Variants in SRC observed in about 807,000 individuals in gnomAD.
SRC encodes proto-oncogene tyrosine-protein kinase Src.
In SRC, 13 loss-of-function variants were observed where a neutral mutation model predicts 62.9. That is an observed-to-expected ratio of 0.21 (90% confidence interval 0.13 to 0.33). SRC has a LOEUF of 0.33. Among genes scored for constraint, SRC ranks in the 10% least tolerant of loss-of-function variants. SRC has a pLI of 1.00. For synonymous variants in SRC, 302 were observed against 317.5 expected, an observed-to-expected ratio of 0.95 and a Z score of 0.52; for missense variants, 457 against 737.3, an observed-to-expected ratio of 0.62 and a Z score of 4.40.
At chr20:37,364,574 C>T (rs955084020) in intron 1 of SRC, among the ~76,000 whole-genome samples, 1 of 152,140 alleles carries the variant, frequency 6.6e-6, no homozygotes, top group East Asian at 1.9e-4. Flanking sequence ...CTGAGAGAGG[C>T]TATGTTCAGA....
At chr20:37,401,883 T>C in intron 11 of SRC, 1 of 477,160 alleles carries the variant, frequency 2.1e-6, no homozygotes, top group Non-Finnish European at 3.7e-6. Flanking sequence ...GGCCCTTACC[T>C]GGGCATCAGG....
intron 2 of SRC, among the ~76,000 whole-genome samples, chr20:37,373,444 TACGCATATATGCATATATACAC>T (rs1248172270): frequency 9.3e-4 from 88 of 95,064 alleles, no homozygotes; most frequent in African/African-American, 6.9e-3. Context: ...TACGCATATA[TACGCATATATGCATATATACAC>T]ACACACATAC....
rs535273309 is a variant in SRC, at chr20:37,384,528, G to C, written c.250+125G>C. On this transcript the variant is annotated intron_variant, in intron 4 of 13. Coordinates refer to ENST00000373578, the MANE Select transcript of SRC (RefSeq NM_198291.3). This position sits in a 1 kb window ranked among gnomAD's most constrained non-coding sequence, Gnocchi z 6.7. The stretch of plus-strand genomic sequence containing the variant: ...CCTCTCGCCAGGGGTAGCGCCCCTG[G>C]GTGACTTGGGTGTCCGGGGGGTGGG... 182 of 1,077,250 alleles carry C rather than the reference G, an allele frequency of 1.7e-4. 5 individuals are homozygous for C. In the South Asian group the frequency reaches 6.2e-3, roughly 37 times the overall value. The allele number at this position is 1,077,250 out of a possible 1,614,324, so 66.7% of individuals were successfully genotyped here.
chr20:37,361,304 G>A (rs762859065), intron 1 of SRC, among the ~76,000 whole-genome samples: 8 of 152,084 alleles, frequency 5.3e-5, no homozygotes, highest in East Asian at 1.9e-4. Context: ...ACGATCACCC[G>A]TCCCCAGCCT....
At chr20:37,354,333 C>T (rs543720101) in intron 1 of SRC, among the ~76,000 whole-genome samples, 79 of 152,254 alleles carry the variant, frequency 5.2e-4, no homozygotes, top group Admixed American at 1.7e-3. Flanking sequence ...CGCTGAGGCT[C>T]AGTTTCTTTA....
intron 2 of SRC, among the ~76,000 whole-genome samples, chr20:37,379,379 G>C (rs929536515): frequency 6.6e-6 from 1 of 152,066 alleles, no homozygotes; most frequent in Admixed American, 6.5e-5. Context: ...CGGCAGTTGG[G>C]CCCCAGAACC....
At chr20:37,347,479 A>G (rs2069740018) in intron 1 of SRC, among the ~76,000 whole-genome samples, 1 of 152,226 alleles carries the variant, frequency 6.6e-6, no homozygotes, top group Non-Finnish European at 1.5e-5. Context: ...CTTGGCGTGT[A>G]GTAGATGCTC....
intron 1 of SRC, among the ~76,000 whole-genome samples, chr20:37,346,985 G>C (rs1323080837): frequency 6.6e-6 from 1 of 152,248 alleles, no homozygotes; most frequent in East Asian, 1.9e-4. Flanking sequence ...TTGCCCTGCT[G>C]TGTGTCCTCA....
Position 37,351,044 on chromosome 20 carries a change from GCCT to G in SRC, c.-247+4796_-247+4798del, listed in dbSNP as rs2069793993. 1.3e-5 allele frequency among the ~76,000 whole-genome samples: 2 copies of G among 152,204 alleles called. No homozygotes were observed. The highest frequency in any genetic ancestry group is 4.8e-5 in the African/African-American group (2 of 41,450). On this transcript the variant is annotated intron_variant, in intron 1 of 13. Transcript: ENST00000373578. The surrounding 1 kb of genome is among the most constrained non-coding windows in gnomAD (Gnocchi z 4.4). ...ATCCAGGACTCTCCCCAGCCAGCCA[GCCT>G]CCTCCTTCCCACAGTACAGCCTGGT...
chr20:37,354,578 C>A (rs1271945820), intron 1 of SRC, among the ~76,000 whole-genome samples: 1 of 152,140 alleles, frequency 6.6e-6, no homozygotes, highest in African/African-American at 2.4e-5. Flanking sequence ...AGAAGCCACC[C>A]TAGGCAGGGG....
At chr20:37,348,030 C>T (rs1391362396) in intron 1 of SRC, among the ~76,000 whole-genome samples, 2 of 152,188 alleles carry the variant, frequency 1.3e-5, no homozygotes, top group African/African-American at 4.8e-5. Context: ...AAATGATTTA[C>T]AGTGTGTCAC....
At position 37,402,421 on chromosome 20, in the gene SRC, G is replaced by T. The variant is rs200922793; in HGVS notation, c.1117-14G>T. 1.5e-4 allele frequency: 236 copies of T among 1,609,200 alleles called. 2 individuals carry two copies. In the African/African-American group the frequency reaches 2.9e-3, roughly 20 times the overall value. ...GGTGGCACCTGAGCCAGGCTCCCAC[G>T]GTTCCGCCTGCAGATCGCCTCAGGC... On this transcript the variant is annotated splice_polypyrimidine_tract_variant and intron_variant, in intron 11 of 13. Coordinates refer to ENST00000373578, the MANE Select transcript of SRC (RefSeq NM_198291.3). The surrounding 1 kb of genome is among the most constrained non-coding windows in gnomAD (Gnocchi z 6.2).
chr20:37,359,837 T>G (rs1003673740), intron 1 of SRC, among the ~76,000 whole-genome samples: 2 of 151,992 alleles, frequency 1.3e-5, no homozygotes, highest in Non-Finnish European at 2.9e-5. Context: ...GGCTGCTGCC[T>G]TAGTCTAGGG....
chr20:37,374,031 G>GT (rs11473947), intron 2 of SRC, among the ~76,000 whole-genome samples: 37,269 of 147,904 alleles, frequency 0.25, 5,862 homozygotes, highest in African/African-American at 0.46. Flanking sequence ...AAAAACTTGG[G>GT]TTTTTTTTTA....
At position 37,396,215 on chromosome 20, in the gene SRC, A is replaced by G. The variant is rs2070646412; in HGVS notation, c.607A>G (p.Lys203Glu). The G allele has an allele frequency of 6.2e-7, 1 of 1,613,814 alleles. No homozygotes were observed. The highest frequency in any genetic ancestry group is 1.3e-5 in the African/African-American group (1 of 74,898). ...DFDNAKGLNV[K>E]HYKIRKLDSG... ...CGACAACGCCAAGGGCCTCAACGTG[A>G]AGCACTACAAGATCCGCAAGCTGGA... The change falls in exon 8 of 14, where the codon AAG (lysine) becomes GAG (glutamate). Residue 203 changes from lysine (K) to glutamate (E), a missense_variant. By Grantham distance (56) the Lys-to-Glu change is moderately conservative (BLOSUM62 1). Transcript: ENST00000373578. This position sits in a 1 kb window ranked among gnomAD's most constrained non-coding sequence, Gnocchi z 6.1.
In SRC at chr20:37,405,620, G is replaced by C. The variant is rs2070817473; in HGVS notation, c.*2241G>C. ...AACATCTGCACCTGTGTTAGGGGGT[G>C]AGCACCTGGGAGAAGGACAAGGCAC... On this transcript the variant is annotated 3_prime_UTR_variant, in exon 14 of 14. Coordinates refer to ENST00000373578, the MANE Select transcript of SRC (RefSeq NM_198291.3). The C allele has an allele frequency of 6.0e-6, 1 of 167,396 alleles. No individual in the cohort carries two copies. Among genetic ancestry groups the C allele is most frequent in the Non-Finnish European group, 1.3e-5 (1 of 76,556 alleles). 10.4% of individuals were successfully genotyped at this position (167,396 alleles called of 1,614,324 possible).
At chr20:37,350,944 T>TG (rs2069792222) in intron 1 of SRC, among the ~76,000 whole-genome samples, 1 of 152,168 alleles carries the variant, frequency 6.6e-6, no homozygotes, top group African/African-American at 2.4e-5. Context: ...CTTTCACAGA[T>TG]CGGGGGGATT....
At chr20:37,352,216 G>A (rs992911649) in intron 1 of SRC, among the ~76,000 whole-genome samples, 13 of 152,240 alleles carry the variant, frequency 8.5e-5, no homozygotes, top group African/African-American at 3.1e-4. Flanking sequence ...ATGAAGATCC[G>A]ATGAGCCAAT....
chr20:37,360,292 C>G (rs1354954563), intron 1 of SRC, among the ~76,000 whole-genome samples: 1 of 135,154 alleles, frequency 7.4e-6, no homozygotes, highest in African/African-American at 2.9e-5. Context: ...GGTGCAATTA[C>G]AGCTCACTGC....
Sources: allele counts gnomAD v4.1 joint callset (sites outside exome capture counted in the v4.1 genomes callset), GRCh38; gene constraint gnomAD v4.1.1; non-coding constraint Gnocchi (gnomAD v3.1); transcripts MANE v1.5; gene names NCBI Gene and HGNC (gene_info 2026-07-23, HGNC 2026-07-21).